The following EYS variants were observed in gnomAD, a reference collection of about 807,000 sequenced individuals.
The protein encoded by EYS is protein eyes shut homolog.
Under a neutral mutation model 282.1 loss-of-function variants are expected in EYS, and 250 were observed. That is an observed-to-expected ratio of 0.89 (90% CI 0.80 to 0.98). The LOEUF is 0.98. EYS is among the 50% of genes least tolerant of loss of function. The pLI, the probability that EYS is intolerant of heterozygous loss-of-function variation, is 0.00. For missense variants in EYS, 4,016 were observed against 3,709.0 expected (o/e 1.08, Z -2.15); for synonymous variants, 1,355 against 1,282.9 (o/e 1.06, Z -1.20).
chr6:65,333,414 AT>A (rs1769867124), intron 11 of EYS, among the ~76,000 whole-genome samples: 1 of 151,626 alleles, frequency 6.6e-6, no homozygotes, highest in African/African-American at 2.4e-5. Flanking sequence ...TATTATTTCA[AT>A]TTTTTGAAAT....
intron 1 of EYS, among the ~76,000 whole-genome samples, chr6:65,670,669 C>A (rs1394543503): frequency 6.6e-6 from 1 of 151,686 alleles, no homozygotes; most frequent in East Asian, 1.9e-4. Context: ...ACAATCAGAC[C>A]TTATTTCAAG....
At chr6:64,085,338 G>GCACACACACACACACA (rs749247868) in intron 31 of EYS, among the ~76,000 whole-genome samples, 157 of 85,598 alleles carry the variant, frequency 1.8e-3, no homozygotes, top group East Asian at 7.7e-3. Flanking sequence ...GCACGTGCGC[G>GCACACACACACACACA]CGCACACACA....
At chr6:64,497,390 G>C (rs1281163132) in intron 26 of EYS, among the ~76,000 whole-genome samples, 1 of 152,130 alleles carries the variant, frequency 6.6e-6, no homozygotes. Flanking sequence ...AGAATAGATA[G>C]AATTTGGATA....
At chr6:64,791,452 G>T (rs74949123) in intron 22 of EYS, among the ~76,000 whole-genome samples, 2 of 151,698 alleles carry the variant, frequency 1.3e-5, no homozygotes, top group African/African-American at 4.8e-5. Context: ...ATTGGGAAAA[G>T]TAAACTCAAA....
intron 31 of EYS, among the ~76,000 whole-genome samples, chr6:64,151,349 ATATATATATATAT>A (rs1401220288): frequency 1.8e-5 from 2 of 109,902 alleles, no homozygotes; most frequent in Non-Finnish European, 3.7e-5. Context: ...ATATATATAT[ATATATATATATAT>A]AATTTTTTTT....
intron 29 of EYS, among the ~76,000 whole-genome samples, chr6:64,357,879 A>G (rs1771879331): frequency 6.6e-6 from 1 of 151,598 alleles, no homozygotes; most frequent in Non-Finnish European, 1.5e-5. Context: ...GATGTAGTCT[A>G]ATGCCAAGAC....
intron 12 of EYS, among the ~76,000 whole-genome samples, chr6:65,294,210 A>T (rs1183989736): frequency 6.6e-6 from 1 of 151,790 alleles, no homozygotes; most frequent in Non-Finnish European, 1.5e-5. Context: ...CCCCCAAAAG[A>T]TTCCACTTTT....
chr6:64,335,208 T>C (rs116686921), intron 29 of EYS, among the ~76,000 whole-genome samples: 64 of 152,022 alleles, frequency 4.2e-4, no homozygotes, highest in African/African-American at 1.4e-3. Flanking sequence ...AACAGAAATT[T>C]TAAAATCCTC....
intron 2 of EYS, among the ~76,000 whole-genome samples, chr6:65,636,390 AC>A (rs1369310070): frequency 6.6e-6 from 1 of 152,148 alleles, no homozygotes; most frequent in African/African-American, 2.4e-5. Flanking sequence ...GTCTTCCTGA[AC>A]ATGCCAAGCA....
At chr6:65,497,934 G>A (rs1489430325) in intron 2 of EYS, among the ~76,000 whole-genome samples, 1 of 151,998 alleles carries the variant, frequency 6.6e-6, no homozygotes, top group Non-Finnish European at 1.5e-5. Flanking sequence ...ATATTGGTGA[G>A]TGCAATTAAA....
intron 36 of EYS, among the ~76,000 whole-genome samples, chr6:63,815,310 C>T (rs1771151358): frequency 6.6e-6 from 1 of 152,130 alleles, no homozygotes; most frequent in East Asian, 1.9e-4. Context: ...GATGTTAAGT[C>T]ACAGAGCTAA....
intron 12 of EYS, among the ~76,000 whole-genome samples, chr6:65,266,888 A>ATATG (rs1767768233): frequency 2.1e-5 from 1 of 48,636 alleles, no homozygotes. Context: ...ATGTGTGTGC[A>ATATG]TATATATATA....
intron 30 of EYS, among the ~76,000 whole-genome samples, chr6:64,246,473 T>C (rs1767027944): frequency 6.6e-6 from 1 of 152,196 alleles, no homozygotes; most frequent in African/African-American, 2.4e-5. Context: ...GTGTGTGTGA[T>C]GTCTTTATGC....
chr6:64,223,138 A>T (rs1352228187), intron 31 of EYS, among the ~76,000 whole-genome samples: 1 of 151,986 alleles, frequency 6.6e-6, no homozygotes, highest in Non-Finnish European at 1.5e-5. Context: ...CCGTCCTGGA[A>T]CCATTAAAAA....
intron 12 of EYS, among the ~76,000 whole-genome samples, chr6:65,111,497 A>C (rs1775210437): frequency 6.6e-6 from 1 of 152,174 alleles, no homozygotes; most frequent in African/African-American, 2.4e-5. Flanking sequence ...TTTTGTCACA[A>C]AATTCTACAT....
chr6:64,666,457 A>G (rs1414110312), intron 22 of EYS, among the ~76,000 whole-genome samples: 1 of 152,130 alleles, frequency 6.6e-6, no homozygotes, highest in Non-Finnish European at 1.5e-5. Flanking sequence ...CTTGAAGTTA[A>G]TTCTCCCCTA....
In EYS at chr6:65,525,963, A is replaced by G. The variant is rs550222226; in HGVS notation, c.-332-29970T>C. Among the ~76,000 whole-genome samples the G allele has an allele frequency of 2.0e-5, 3 of 152,338 alleles. No homozygotes were observed. In the East Asian group the frequency reaches 5.8e-4, roughly 29 times the overall value. ...GTGTTTTAGTCCATTTTCTTTTGCT[A>G]TAATTACAAATTACCCTGAGACTGG... On this transcript the variant is annotated intron_variant, in intron 2 of 42. Transcript: ENST00000503581.
rs188529187 is a variant in EYS, at chr6:64,265,702, A to C, written c.6192-34878T>G. Reference sequence around the variant, plus strand: ...TGAGTACTTCTCATTACCAATTGTGACTTTTGGCAAGTTAATTGACAACCA... The same window carrying C: ...TGAGTACTTCTCATTACCAATTGTGCCTTTTGGCAAGTTAATTGACAACCA... On this transcript the variant is annotated intron_variant, in intron 30 of 42. Coordinates refer to ENST00000503581, the MANE Select transcript of EYS (RefSeq NM_001142800.2). Among the ~76,000 whole-genome samples the C allele has an allele frequency of 1.7e-3, 266 of 152,286 alleles. 2 individuals are homozygous for C. The highest frequency in any genetic ancestry group is 6.2e-3 in the African/African-American group (259 of 41,560).
intron 14 of EYS, among the ~76,000 whole-genome samples, chr6:64,978,008 A>T (rs185843106): frequency 2.0e-5 from 3 of 152,058 alleles, no homozygotes; most frequent in Admixed American, 2.0e-4. Flanking sequence ...GCAGCAAGTG[A>T]CTGTAGAAGC....
Sources: gnomAD v4.1 joint callset for allele counts (sites outside exome capture counted in the v4.1 genomes callset) on GRCh38, gnomAD v4.1.1 for gene constraint, MANE v1.5 for transcripts, NCBI Gene and HGNC (gene_info 2026-07-23, HGNC 2026-07-21) for gene names.